Variants in DLGAP2 observed in about 807,000 individuals in gnomAD.
DLGAP2 encodes disks large-associated protein 2.
DLGAP2 carries 26 observed loss-of-function variants against 100.3 expected under a neutral mutation model. The ratio of observed to expected loss-of-function variants is 0.26; its 90% CI spans 0.19 to 0.36. The LOEUF (loss-of-function observed/expected upper bound fraction) is 0.36. Among genes scored for constraint, DLGAP2 ranks in the 10% least tolerant of loss-of-function variants. The probability of loss-of-function intolerance (pLI) is 1.00; values close to 1 mark genes in which losing one functional copy is unlikely to be tolerated. For synonymous variants in DLGAP2, 886 were observed against 630.1 expected, an observed-to-expected ratio of 1.41 and a Z score of -6.08; for missense variants, 1,858 against 1,453.2, an observed-to-expected ratio of 1.28 and a Z score of -4.53.
intron 13 of DLGAP2, among the ~76,000 whole-genome samples, chr8:1,696,566 C>A (rs1420703544): frequency 6.6e-6 from 1 of 152,214 alleles, no homozygotes; most frequent in Non-Finnish European, 1.5e-5. Flanking sequence ...GGCAGAGAAA[C>A]CAAGCACGTC....
chr8:1,357,534 C>G (rs896373393), intron 3 of DLGAP2, among the ~76,000 whole-genome samples: 1 of 152,038 alleles, frequency 6.6e-6, no homozygotes, highest in African/African-American at 2.4e-5. Context: ...AGTGAGACAG[C>G]AAATATTTCC....
At chr8:1,079,962 C>T (rs1481213273) in intron 2 of DLGAP2, among the ~76,000 whole-genome samples, 1 of 152,220 alleles carries the variant, frequency 6.6e-6, no homozygotes, top group Non-Finnish European at 1.5e-5. Flanking sequence ...TCCTCTCTAA[C>T]GTGGGTCCTG....
intron 1 of DLGAP2, among the ~76,000 whole-genome samples, chr8:824,429 G>T (rs1796647727): frequency 6.6e-6 from 1 of 152,110 alleles, no homozygotes; most frequent in Non-Finnish European, 1.5e-5. Context: ...TTTAGATGCT[G>T]CCAGGGTTCC....
At chr8:1,281,563 G>A (rs1204854298) in intron 3 of DLGAP2, among the ~76,000 whole-genome samples, 1 of 152,172 alleles carries the variant, frequency 6.6e-6, no homozygotes, top group African/African-American at 2.4e-5. Flanking sequence ...TTAAAGACAT[G>A]AGCGGAGACC....
chr8:821,931 TAC>T (rs1012230096), intron 1 of DLGAP2, among the ~76,000 whole-genome samples: 1 of 152,272 alleles, frequency 6.6e-6, no homozygotes, highest in African/African-American at 2.4e-5. Flanking sequence ...GATTTTTATA[TAC>T]AGTTTCTGTG....
intron 3 of DLGAP2, chr8:1,369,146 A>G (rs937787414): frequency 2.6e-5 from 4 of 152,162 alleles, no homozygotes; most frequent in African/African-American, 9.7e-5. Flanking sequence ...TTATAAAATA[A>G]TGGACAGCTT....
chr8:897,037 G>T (rs574672164), intron 1 of DLGAP2, among the ~76,000 whole-genome samples: 3 of 152,122 alleles, frequency 2.0e-5, no homozygotes, highest in Non-Finnish European at 2.9e-5. Context: ...AGTCAGTGGC[G>T]CAAGGGAGAA....
At chr8:1,182,856 G>T (rs915346264) in intron 2 of DLGAP2, among the ~76,000 whole-genome samples, 5 of 152,212 alleles carry the variant, frequency 3.3e-5, no homozygotes, top group African/African-American at 1.2e-4. Flanking sequence ...GCAGCCTGTG[G>T]GATCGGCAGC....
intron 2 of DLGAP2, among the ~76,000 whole-genome samples, chr8:967,133 G>C (rs1034820897): frequency 6.6e-6 from 1 of 152,262 alleles, no homozygotes. Context: ...GCTCCTTGGA[G>C]AGGTGGCTGG....
chr8:1,199,928 T>G (rs1445541350), intron 2 of DLGAP2, among the ~76,000 whole-genome samples: 2 of 142,882 alleles, frequency 1.4e-5, no homozygotes, highest in East Asian at 4.2e-4. Flanking sequence ...AGCCACGAGG[T>G]GGAAGGATTC....
intron 1 of DLGAP2, among the ~76,000 whole-genome samples, chr8:820,835 G>A (rs908600150): frequency 6.6e-6 from 1 of 152,172 alleles, no homozygotes; most frequent in Non-Finnish European, 1.5e-5. Flanking sequence ...GGATTTGTGG[G>A]GCTAAAATAA....
chr8:1,007,637 G>GT (rs1221871129), intron 2 of DLGAP2, among the ~76,000 whole-genome samples: 6 of 131,024 alleles, frequency 4.6e-5, no homozygotes, highest in East Asian at 2.1e-4. Context: ...TTTTTTTTTG[G>GT]GGGGGGGATC....
In DLGAP2 at chr8:1,702,370, AAC is replaced by A. The variant is rs1554435439; in HGVS notation, c.*971_*972del. 2 of 152,274 alleles carry A rather than the reference AAC, an allele frequency of 1.3e-5. No individual in the cohort carries two copies. The highest frequency in any genetic ancestry group is 2.1e-4 in the South Asian group (1 of 4,824). 9.4% of individuals were successfully genotyped at this position (152,274 alleles called of 1,614,324 possible). ...ACTTTTCAGGGTATCCTTAAAAAAA[AAC>A]ACACACGAAAAACAAAAGTTTGCTT... On this transcript the variant is annotated 3_prime_UTR_variant, in exon 15 of 15. Coordinates refer to ENST00000637795, the MANE Select transcript of DLGAP2 (RefSeq NM_001346810.2).
At chr8:1,374,198 C>T (rs796831731) in intron 3 of DLGAP2, among the ~76,000 whole-genome samples, 1 of 145,968 alleles carries the variant, frequency 6.9e-6, no homozygotes, top group African/African-American at 2.6e-5. Context: ...AGGTTAGGGT[C>T]GGTTTGCAGA....
chr8:1,538,788 C>G (rs756899447), intron 4 of DLGAP2, among the ~76,000 whole-genome samples: 2 of 152,120 alleles, frequency 1.3e-5, no homozygotes, highest in African/African-American at 2.4e-5. Flanking sequence ...TCCAGAGAGT[C>G]ACGCCCCGGG....
At chr8:1,646,231 A>G (rs940306824) in intron 8 of DLGAP2, among the ~76,000 whole-genome samples, 1 of 152,020 alleles carries the variant, frequency 6.6e-6, no homozygotes, top group African/African-American at 2.4e-5. Flanking sequence ...GAGAGAGGGA[A>G]TTCCTCCTGC....
At chr8:1,175,236 C>G (rs1262644546) in intron 2 of DLGAP2, among the ~76,000 whole-genome samples, 1 of 146,028 alleles carries the variant, frequency 6.8e-6, no homozygotes, top group African/African-American at 2.5e-5. Context: ...TCTTCACATG[C>G]TTGATTTTAA....
At chr8:809,496 A>G (rs1796329384) in intron 1 of DLGAP2, among the ~76,000 whole-genome samples, 1 of 148,984 alleles carries the variant, frequency 6.7e-6, no homozygotes, top group Non-Finnish European at 1.5e-5. Context: ...GCAGCCTGAT[A>G]TCTTAGGCAC....
At chr8:1,557,399 G>A (rs571542470) in intron 5 of DLGAP2, among the ~76,000 whole-genome samples, 1 of 152,298 alleles carries the variant, frequency 6.6e-6, no homozygotes, top group African/African-American at 2.4e-5. Flanking sequence ...ATGGCCACGG[G>A]TGTCCTCTCA....
Sources: gnomAD v4.1 joint callset for allele counts (sites outside exome capture counted in the v4.1 genomes callset) on GRCh38, gnomAD v4.1.1 for gene constraint, MANE v1.5 for transcripts, NCBI Gene and HGNC (gene_info 2026-07-23, HGNC 2026-07-21) for gene names.